The following NEBL variants were observed in gnomAD, a reference collection of about 807,000 sequenced individuals.
The protein encoded by NEBL is LIM and SH3 protein 2.
In NEBL, 122 loss-of-function variants were observed where a neutral mutation model predicts 140.2. That is an observed-to-expected ratio of 0.87 (90% CI 0.75 to 1.01). NEBL has a LOEUF of 1.01. Among genes scored for constraint, NEBL ranks in the 50% least tolerant of loss-of-function variants. NEBL has a pLI of 0.00. For missense variants in NEBL, 1,365 were observed against 1,231.3 expected (o/e 1.11, Z -1.62); for synonymous variants, 436 against 398.9 (o/e 1.09, Z -1.11).
intron 2 of NEBL, among the ~76,000 whole-genome samples, chr10:21,132,185 G>A (rs1348378614): frequency 6.6e-6 from 1 of 152,050 alleles, no homozygotes; most frequent in Non-Finnish European, 1.5e-5. Context: ...CCTACTTTCT[G>A]TTTCTATGGA....
At chr10:20,968,726 T>A (rs1304657991) in intron 3 of NEBL, among the ~76,000 whole-genome samples, 2 of 152,208 alleles carry the variant, frequency 1.3e-5, no homozygotes, top group Non-Finnish European at 2.9e-5. Context: ...TGATTCGCAT[T>A]ATTCTGTTCT....
intron 2 of NEBL, among the ~76,000 whole-genome samples, chr10:21,135,884 G>C (rs1839333628): frequency 1.3e-5 from 2 of 152,196 alleles, no homozygotes; most frequent in Admixed American, 1.3e-4. Context: ...ATGAGAGATG[G>C]AGCCAGAAAT....
chr10:21,103,332 G>A (rs899414335), intron 2 of NEBL, among the ~76,000 whole-genome samples: 1 of 151,200 alleles, frequency 6.6e-6, no homozygotes, highest in African/African-American at 2.4e-5. Context: ...TCCTGCCTCA[G>A]CCTCCCCAGT....
At chr10:20,916,918 CT>C (rs1325307168) in intron 4 of NEBL, among the ~76,000 whole-genome samples, 2 of 152,072 alleles carry the variant, frequency 1.3e-5, no homozygotes, top group African/African-American at 4.8e-5. Context: ...TATTTATTGA[CT>C]TTTTTTAGTT....
chr10:21,100,315 T>TG (rs1837418634), intron 2 of NEBL, among the ~76,000 whole-genome samples: 1 of 152,242 alleles, frequency 6.6e-6, no homozygotes, highest in Non-Finnish European at 1.5e-5. Flanking sequence ...TCATCCCACT[T>TG]GCCTTTTCTT....
intron 3 of NEBL, among the ~76,000 whole-genome samples, chr10:21,205,236 C>T (rs190305874): frequency 2.4e-4 from 37 of 152,336 alleles, no homozygotes; most frequent in African/African-American, 8.4e-4. Flanking sequence ...ATTACAATAT[C>T]TGCCCCAAAT....
At chr10:20,858,375 C>T (rs1226476753) in intron 8 of NEBL, 31 bp from the exon 9 acceptor site, 3 of 1,475,324 alleles carry the variant, frequency 2.0e-6, no homozygotes, top group Admixed American at 1.7e-5. Context: ...AAAATACCAT[C>T]GAGGAGAAGA....
intron 4 of NEBL, among the ~76,000 whole-genome samples, chr10:20,912,296 A>G (rs114591546): frequency 9.5e-4 from 144 of 152,310 alleles, no homozygotes; most frequent in African/African-American, 3.2e-3. Context: ...TTGAAATAAA[A>G]ATGCATTAGC....
chr10:20,834,098 T>G (rs1434007410), intron 14 of NEBL, among the ~76,000 whole-genome samples: 1 of 152,156 alleles, frequency 6.6e-6, no homozygotes, highest in Non-Finnish European at 1.5e-5. Flanking sequence ...TTCACATCCA[T>G]GTTACAGAAC....
At chr10:21,193,393 G>A (rs1228449348) in intron 3 of NEBL, among the ~76,000 whole-genome samples, 1 of 152,174 alleles carries the variant, frequency 6.6e-6, no homozygotes, top group East Asian at 1.9e-4. Flanking sequence ...CAGGGGTGCA[G>A]GAGTGATGAG....
Position 21,238,427 on chromosome 10 carries a change from C to T in NEBL, n.348+9494G>A, listed in dbSNP as rs191852864. ...AAAGTTAAGAAAGTTGGGCCGGGCC[C>T]GGTGGCTCACGCCTGTAATCCCAGC... On this transcript the variant is annotated intron_variant and non_coding_transcript_variant, in intron 3 of 8. Transcript: ENST00000675702. 2.8e-3 allele frequency among the ~76,000 whole-genome samples: 426 copies of T among 152,046 alleles called. 1 individual carries two copies. The highest frequency in any genetic ancestry group is 8.9e-3 in the African/African-American group (371 of 41,506).
At chr10:21,266,166 G>A (rs1842794727) in intron 1 of NEBL, among the ~76,000 whole-genome samples, 1 of 151,490 alleles carries the variant, frequency 6.6e-6, no homozygotes, top group African/African-American at 2.4e-5. Context: ...GTTGAGATGG[G>A]GTCTCACTCT....
chr10:21,047,495 A>C (rs1183052882), intron 2 of NEBL, among the ~76,000 whole-genome samples: 4 of 152,164 alleles, frequency 2.6e-5, no homozygotes. Flanking sequence ...ATTTAATAAT[A>C]GATCACCTCA....
At chr10:21,245,783 C>T (rs1046107429) in intron 3 of NEBL, among the ~76,000 whole-genome samples, 3 of 152,224 alleles carry the variant, frequency 2.0e-5, no homozygotes, top group Non-Finnish European at 4.4e-5. Flanking sequence ...GCAAGCTCCA[C>T]CTCCTGGGTT....
intron 3 of NEBL, among the ~76,000 whole-genome samples, chr10:21,180,732 A>C (rs1382201089): frequency 6.6e-6 from 1 of 152,096 alleles, no homozygotes. Flanking sequence ...TCTCCAAAAA[A>C]AGCTCTTGAA....
Position 20,863,938 on chromosome 10 carries a change from C to T in NEBL, c.685-4112G>A, listed in dbSNP as rs370587416. On this transcript the variant is annotated intron_variant, in intron 7 of 27. Coordinates refer to ENST00000377122, the MANE Select transcript of NEBL (RefSeq NM_006393.3). ...TGTGATGAGGTTGGAGGAGGGAGTG[C>T]TTGCCAGGATGGGAGAATGGTAAAT... Among the ~76,000 whole-genome samples, 87 of 152,224 alleles carry T rather than the reference C, an allele frequency of 5.7e-4. 2 individuals carry two copies. In the South Asian group the frequency reaches 0.018, roughly 31 times the overall value.
chr10:21,052,850 C>A (rs1010726994), intron 2 of NEBL, among the ~76,000 whole-genome samples: 7 of 152,172 alleles, frequency 4.6e-5, no homozygotes, highest in African/African-American at 1.7e-4. Flanking sequence ...CTGTTGTCAC[C>A]TAGTCCTACT....
chr10:21,283,180 C>T (rs1843013857), intron 1 of NEBL, among the ~76,000 whole-genome samples: 1 of 150,938 alleles, frequency 6.6e-6, no homozygotes, highest in Non-Finnish European at 1.5e-5. Context: ...CCAGCTAAAA[C>T]CCACCAGAAC....
At chr10:21,211,964 T>C (rs931575614) in intron 3 of NEBL, among the ~76,000 whole-genome samples, 1 of 152,070 alleles carries the variant, frequency 6.6e-6, no homozygotes, top group Non-Finnish European at 1.5e-5. Flanking sequence ...TGCTAGTAAA[T>C]ACATTTCAGG....
Sources: allele counts gnomAD v4.1 joint callset (sites outside exome capture counted in the v4.1 genomes callset), GRCh38; gene constraint gnomAD v4.1.1; transcripts MANE v1.5; gene names NCBI Gene and HGNC (gene_info 2026-07-23, HGNC 2026-07-21).